The following LRRC37B variants were observed in gnomAD, a reference collection of about 807,000 sequenced individuals.
LRRC37B encodes leucine rich repeat containing 37B.
A neutral mutation model predicts 98.3 loss-of-function variants in LRRC37B; 28 were observed. The ratio of observed to expected loss-of-function variants is 0.28; its 90% CI spans 0.21 to 0.39. The LOEUF (loss-of-function observed/expected upper bound fraction) is 0.39, where lower values mean the gene tolerates loss of function less well. LRRC37B is among the 10% of genes least tolerant of loss of function. The pLI, the probability that LRRC37B is intolerant of heterozygous loss-of-function variation, is 1.00. For synonymous variants in LRRC37B, 364 were observed against 442.7 expected (o/e 0.82, Z 2.23); for missense variants, 938 against 1,182.7 (o/e 0.79, Z 3.03).
At chr17:32,007,918 G>C, upstream of LRRC37B, 1 of 679,910 alleles carries the variant, frequency 1.5e-6, no homozygotes, top group South Asian at 6.6e-5. The surrounding 1 kb of genome is among the most constrained non-coding windows in gnomAD (Gnocchi z 4.1). Context: ...CCGCAGCCCG[G>C]AGGGCTGTCA....
chr17:32,048,080 G>C, intron 9 of LRRC37B, 179 bp downstream of exon 12: 1 of 1,164,378 alleles, frequency 8.6e-7, no homozygotes. Context: ...ACAATAGAAA[G>C]AGCCCCTCAC....
chr17:32,049,187 C>G, exon 10 of LRRC37B: 1 of 1,614,052 alleles, frequency 6.2e-7, no homozygotes, highest in Non-Finnish European at 8.5e-7. Flanking sequence ...CTCATGTTAT[C>G]CGGACCTTGA....
chr17:32,045,756 C>A (rs758831189), exon 8 of LRRC37B: 1 of 1,601,930 alleles, frequency 6.2e-7, no homozygotes, highest in Admixed American at 1.7e-5. Context: ...AGCATTGAGG[C>A]TGTCTGCAAG....
At chr17:32,045,758 G>A in exon 8 of LRRC37B, 4 of 1,601,796 alleles carry the variant, frequency 2.5e-6, no homozygotes, top group Non-Finnish European at 3.4e-6. Context: ...CATTGAGGCT[G>A]TCTGCAAGAC....
chr17:32,033,640 C>T (rs547527046), intron 5 of LRRC37B, among the ~76,000 whole-genome samples: 3 of 152,254 alleles, frequency 2.0e-5, no homozygotes, highest in African/African-American at 7.2e-5. Flanking sequence ...ATCACAAATA[C>T]GTAGCAGCCT....
chr17:32,045,193 T>C (rs1235001636), intron 7 of LRRC37B, among the ~76,000 whole-genome samples: 1 of 152,208 alleles, frequency 6.6e-6, no homozygotes, highest in Non-Finnish European at 1.5e-5. Flanking sequence ...TGTTATTCTT[T>C]TGAATGCTCA....
chr17:32,020,836 C>CCCCCA (rs892088653), upstream of LRRC37B: 48 of 840,222 alleles, frequency 5.7e-5, no homozygotes, highest in Admixed American at 1.5e-3. Context: ...CTCTGCCGTG[C>CCCCCA]CCCCACCCCA....
chr17:32,031,553 C>G (rs958020072), intron 5 of LRRC37B, 95 bp downstream of exon 8: 1 of 1,226,508 alleles, frequency 8.2e-7, no homozygotes, highest in African/African-American at 1.6e-5. Flanking sequence ...ATTATGAACT[C>G]TGAAAAGTGT....
chr17:32,049,179 C>G (rs1335040022), exon 10 of LRRC37B: 3 of 1,613,980 alleles, frequency 1.9e-6, no homozygotes, highest in Non-Finnish European at 2.5e-6. Flanking sequence ...GTTCATGTCT[C>G]ATGTTATCCG....
At chr17:32,034,858 C>A in intron 5 of LRRC37B, 52 bp from the exon 9 acceptor site, 1 of 1,337,544 alleles carries the variant, frequency 7.5e-7, no homozygotes, top group South Asian at 1.2e-5. Flanking sequence ...ACTTTTTATG[C>A]AGTTTCACAC....
chr17:32,014,588 T>C (rs1238005875), intron 1 of LRRC37B, among the ~76,000 whole-genome samples: 2 of 152,208 alleles, frequency 1.3e-5, no homozygotes, highest in Non-Finnish European at 2.9e-5. Flanking sequence ...AGAAATGGTA[T>C]CTGGGAAAAT....
rs139116171 is a variant in LRRC37B, at chr17:32,050,086, T to G, written c.2841T>G (p.Ile947Met). 660 of 1,548,738 alleles carry G rather than the reference T, an allele frequency of 4.3e-4. 16 individuals carry two copies. In the South Asian group the frequency reaches 6.4e-3, roughly 15 times the overall value. Residue 947 changes from isoleucine (I) to methionine (M), a missense_variant, in exon 11 of 12, where the codon ATT (isoleucine) becomes ATG (methionine). Coordinates refer to ENST00000327564, the Ensembl canonical transcript of LRRC37B. The stretch of plus-strand genomic sequence containing the variant: ...TGACTGTAATACTAATAATTTTGAT[T>G]ATAATTTTTTGTCTTATAGAGGTAA...
chr17:32,041,820 A>C (rs1448491131), intron 7 of LRRC37B: 3 of 459,072 alleles, frequency 6.5e-6, no homozygotes, highest in South Asian at 4.6e-5. Context: ...CAGCTGGCCC[A>C]GACGGGGCAA....
intron 8 of LRRC37B, among the ~76,000 whole-genome samples, chr17:32,046,306 C>T (rs1379205198): frequency 2.0e-5 from 3 of 152,192 alleles, no homozygotes; most frequent in African/African-American, 7.2e-5. Context: ...GCTTCTGGTT[C>T]CATAACCAGA....
intron 7 of LRRC37B, chr17:32,041,604 C>T: frequency 2.1e-6 from 1 of 472,046 alleles, no homozygotes; most frequent in Non-Finnish European, 4.2e-6. Flanking sequence ...TCCATGGGCT[C>T]CTGCTGCCAA....
At chr17:32,015,499 A>G (rs533634278) in intron 1 of LRRC37B, among the ~76,000 whole-genome samples, 2 of 152,186 alleles carry the variant, frequency 1.3e-5, no homozygotes, top group Admixed American at 1.3e-4. Context: ...CTTTTCTCAG[A>G]TACCAATTAG....
intron 2 of LRRC37B, 79 bp from the exon 6 acceptor site, chr17:32,027,690 C>A: frequency 3.3e-6 from 4 of 1,221,808 alleles, no homozygotes; most frequent in Non-Finnish European, 2.3e-6. Flanking sequence ...CAGCTTTCCT[C>A]CACATGCAGG....
Position 32,014,376 on chromosome 17 carries a change from T to A in LRRC37B, c.-190-3596T>A, listed in dbSNP as rs556739523. Among the ~76,000 whole-genome samples the A allele has an allele frequency of 1.2e-4, 19 of 152,312 alleles. No homozygotes were observed. In the East Asian group the frequency reaches 2.1e-3, roughly 17 times the overall value. On this transcript the variant is annotated intron_variant, in intron 1 of 14. Coordinates refer to the LRRC37B transcript ENST00000543378. ...CATCTTTAAAGTACTGAGAGAAATG[T>A]CAATCCAGAATTCTATATCCAGCAA...
chr17:32,025,030 G>GCT (rs1555535202), intron 2 of LRRC37B, among the ~76,000 whole-genome samples: 1 of 69,918 alleles, frequency 1.4e-5, no homozygotes, highest in East Asian at 3.8e-4. Flanking sequence ...TTTTTTCCTC[G>GCT]TTTTTTTTTT....
Sources: gnomAD v4.1 joint callset for allele counts (sites outside exome capture counted in the v4.1 genomes callset) on GRCh38, gnomAD v4.1.1 for gene constraint, Gnocchi (gnomAD v3.1) non-coding constraint, MANE v1.5 for transcripts, NCBI Gene and HGNC (gene_info 2026-07-23, HGNC 2026-07-21) for gene names.